Variants in PSME2 observed in about 807,000 individuals in gnomAD.
PSME2 encodes proteasome activator subunit 2, also known as proteasome activator complex subunit 2.
Under a neutral mutation model 38.8 loss-of-function variants are expected in PSME2, and 20 were observed. The observed-to-expected ratio is 0.52, with a 90% confidence interval of 0.36 to 0.75. PSME2 has a LOEUF of 0.75. Ranked by LOEUF, PSME2 falls within the 30% of genes least tolerant of loss-of-function variation. The pLI is 0.00. For missense variants in PSME2, 227 were observed against 287.6 expected (o/e 0.79, Z 1.52); for synonymous variants, 82 against 102.5 (o/e 0.80, Z 1.21).
chr14:24,144,581 T>TTAAAAAGTTATATTTA, intron 6 of PSME2, 113 bp from the exon 7 acceptor site: 1 of 959,528 alleles, frequency 1.0e-6, no homozygotes, highest in Non-Finnish European at 1.6e-6. Flanking sequence ...ACATACCAGG[T>TTAAAAAGTTATATTTA]ACTGTGCCAT....
intron 6 of PSME2, chr14:24,144,730 G>A (rs1053094794): frequency 1.6e-5 from 9 of 574,364 alleles, no homozygotes; most frequent in South Asian, 4.2e-5. Flanking sequence ...ATAGAATCAC[G>A]ATTTGAACCT....
rs1235473134 is a variant in PSME2, at chr14:24,146,003, G to A, written c.81+205C>T. On this transcript the variant is annotated intron_variant, in intron 2 of 10. Transcript: ENST00000216802. ...GTTTTTTTCCTCCACATCAAAAGACGGGAGAAGTGCCAGAAGTCGGGAGAG... is the reference window on the plus strand; with the variant it reads ...GTTTTTTTCCTCCACATCAAAAGACAGGAGAAGTGCCAGAAGTCGGGAGAG... The A allele has an allele frequency of 9.9e-6, 8 of 808,568 alleles. No homozygotes were observed. The Admixed American group carries it at 1.4e-4, about 15-fold the overall frequency. The allele number at this position is 808,568 out of a possible 1,614,324, so 50.1% of individuals were successfully genotyped here. A position where few individuals can be genotyped will look rare whatever the true frequency, so the allele number is the denominator to read the frequency against.
chr14:24,144,056 G>C, intron 8 of PSME2, 27 bp from the exon 9 acceptor site: 1 of 1,612,882 alleles, frequency 6.2e-7, no homozygotes, highest in Non-Finnish European at 8.5e-7. Context: ...AATACCACAG[G>C]AATGAGTGTT....
rs139337976 is a variant in PSME2, at chr14:24,145,626, TG to T, written c.144+83del. On this transcript the variant is annotated intron_variant, in intron 3 of 10. Coordinates refer to ENST00000216802, the MANE Select transcript of PSME2 (RefSeq NM_002818.3). ...CCACTATTTGAAACTATTCTCTGCA[TG>T]CTGAATCCAGTTGTTAGCTAGAGAG... The T allele has an allele frequency of 1.6e-4, 248 of 1,512,788 alleles. 1 individual carries two copies. In the African/African-American group the frequency reaches 3.2e-3, roughly 19 times the overall value. 93.7% of individuals were successfully genotyped at this position (1,512,788 alleles called of 1,614,324 possible).
intron 7 of PSME2, 43 bp from the exon 8 acceptor site, chr14:24,144,302 C>T (rs754906699): frequency 1.2e-6 from 2 of 1,611,988 alleles, no homozygotes; most frequent in Middle Eastern, 3.3e-4. Context: ...CATGTCCTCC[C>T]CATTTCATAC....
chr14:24,143,593 C>A lies in PSME2; in HGVS notation c.631G>T (p.Ala211Ser), dbSNP rs768116249. 21 of 1,614,014 alleles carry A rather than the reference C, an allele frequency of 1.3e-5. No individual in the cohort carries two copies. Among genetic ancestry groups the A allele is most frequent in the Non-Finnish European group, 1.5e-5 (18 of 1,180,018 alleles). The change falls in exon 10 of 11, where the codon GCC (alanine) becomes TCC (serine). Residue 211 changes from alanine to serine, a missense_variant. This residue lies in a region of PSME2 where 99 missense variants were observed against 113.9 expected (regional missense o/e 0.87). Coordinates refer to ENST00000216802, the MANE Select transcript of PSME2 (RefSeq NM_002818.3). The surrounding 1 kb of genome is among the most constrained non-coding windows in gnomAD (Gnocchi z 4.4). The part of the protein sequence containing the change: ...ELRAMVLDLR[A>S]FYAELYHIIS... ...CCTTACTCCACACTCACATAGAAGGCCCTCAGGTCCAGCACCATGGCCCTG... is the reference window on the plus strand; with the variant it reads ...CCTTACTCCACACTCACATAGAAGGACCTCAGGTCCAGCACCATGGCCCTG...
intron 8 of PSME2, 57 bp downstream of exon 8, chr14:24,144,135 G>T (rs377620375): frequency 4.4e-4 from 704 of 1,612,280 alleles, no homozygotes; most frequent in Non-Finnish European, 5.1e-4. Flanking sequence ...CCCAGCTCTG[G>T]GGGTCCCAAA....
At chr14:24,145,665 G>A (rs2038141218) in intron 3 of PSME2, 45 bp downstream of exon 3, 1 of 1,578,568 alleles carries the variant, frequency 6.3e-7, no homozygotes, top group Non-Finnish European at 8.7e-7. Flanking sequence ...TGGGCAAAGG[G>A]GATAGAGGAC....
Position 24,143,812 on chromosome 14 carries a change from GA to G in PSME2, c.553-142del. ...ATAGGATCCCAAAGGACTGAGCAGA[GA>G]AAAGGGTCAAGGTTGTTGAAGCCCA... On this transcript the variant is annotated intron_variant, in intron 9 of 10. Transcript: ENST00000216802. This position sits in a 1 kb window ranked among gnomAD's most constrained non-coding sequence, Gnocchi z 4.4. 1 of 1,274,530 alleles carries G rather than the reference GA, an allele frequency of 7.8e-7. No homozygotes were observed. Among genetic ancestry groups the G allele is most frequent in the Non-Finnish European group, 1.1e-6 (1 of 891,512 alleles). The allele number at this position is 1,274,530 out of a possible 1,614,324, so 79.0% of individuals were successfully genotyped here.
At position 24,145,167 on chromosome 14, in the gene PSME2, A is replaced by G; in HGVS notation, c.263-12T>C. On this transcript the variant is annotated splice_polypyrimidine_tract_variant and intron_variant, in intron 5 of 10. Transcript: ENST00000216802. ...TCCACACTTATGGACTGTGAGAAAGAGGGGATTCAGGCCCTTTCTCATCCA... is the reference window on the plus strand; with the variant it reads ...TCCACACTTATGGACTGTGAGAAAGGGGGGATTCAGGCCCTTTCTCATCCA... The G allele has an allele frequency of 6.2e-7, 1 of 1,611,468 alleles. No individual in the cohort carries two copies. The highest frequency in any genetic ancestry group is 8.5e-7 in the Non-Finnish European group (1 of 1,177,638).
At chr14:24,145,879 A>G in intron 2 of PSME2, 107 bp from the exon 3 acceptor site, 1 of 1,246,380 alleles carries the variant, frequency 8.0e-7, no homozygotes, top group Non-Finnish European at 1.2e-6. Flanking sequence ...AAGACTTGCA[A>G]ATGAGGAAAC....
rs1594368446 is a variant in PSME2, at chr14:24,143,730, T to A, written c.553-59A>T. 3.9e-6 allele frequency: 6 copies of A among 1,550,938 alleles called. No individual in the cohort carries two copies. The South Asian group carries it at 6.7e-5, about 17-fold the overall frequency. ...ATGGGAGGCTGGGACATGAGTCTGGTTTCCTTTTATAGGAAATAGGTTAAC... is the reference window on the plus strand; with the variant it reads ...ATGGGAGGCTGGGACATGAGTCTGGATTCCTTTTATAGGAAATAGGTTAAC... On this transcript the variant is annotated intron_variant, in intron 9 of 10. Coordinates refer to ENST00000216802, the MANE Select transcript of PSME2 (RefSeq NM_002818.3). This position sits in a 1 kb window ranked among gnomAD's most constrained non-coding sequence, Gnocchi z 4.4.
At chr14:24,144,585 G>T in intron 6 of PSME2, 117 bp from the exon 7 acceptor site, 1 of 937,984 alleles carries the variant, frequency 1.1e-6, no homozygotes, top group Non-Finnish European at 1.7e-6. Context: ...ACCAGGTACT[G>T]TGCCATGTAT....
At chr14:24,146,299 C>A in intron 1 of PSME2, 59 bp from the exon 2 acceptor site, 1 of 1,594,302 alleles carries the variant, frequency 6.3e-7, no homozygotes, top group Non-Finnish European at 8.6e-7. Context: ...AAAGCTTCCA[C>A]CCACAACAGG....
intron 6 of PSME2, 62 bp from the exon 7 acceptor site, chr14:24,144,530 G>T (rs1315369083): frequency 6.7e-7 from 1 of 1,496,080 alleles, no homozygotes; most frequent in African/African-American, 1.4e-5. Context: ...TCCTATTACT[G>T]TCACTTCCTA....
rs1245143957 is a variant in PSME2 at position 24,144,478 on chromosome 14, G to A, written c.361-10C>T. 1.2e-6 allele frequency: 2 copies of A among 1,603,158 alleles called. No individual in the cohort carries two copies. Among genetic ancestry groups the A allele is most frequent in the South Asian group, 1.1e-5 (1 of 90,856 alleles). ...GGATCCATGTAATCACCTGTGTTAAGAGGTATCATGTAAGAATCATTCAAC... is the reference window on the plus strand; with the variant it reads ...GGATCCATGTAATCACCTGTGTTAAAAGGTATCATGTAAGAATCATTCAAC... On this transcript the variant is annotated splice_polypyrimidine_tract_variant and intron_variant, in intron 6 of 10. Transcript: ENST00000216802.
intron 6 of PSME2, 123 bp from the exon 7 acceptor site, chr14:24,144,591 T>C: frequency 1.1e-6 from 1 of 896,248 alleles, no homozygotes; most frequent in Admixed American, 2.1e-5. Context: ...TACTGTGCCA[T>C]GTATTTATTT....
At chr14:24,144,700 G>C (rs1365796277) in intron 6 of PSME2, 2 of 588,740 alleles carry the variant, frequency 3.4e-6, no homozygotes, top group Non-Finnish European at 6.0e-6. Flanking sequence ...ACTTACTTAA[G>C]GCTACCAGCT....
In PSME2 at chr14:24,144,382, C is replaced by T; in HGVS notation, c.429+18G>A. The T allele has an allele frequency of 6.2e-7, 1 of 1,610,684 alleles. No individual in the cohort carries two copies. The highest frequency in any genetic ancestry group is 8.5e-7 in the Non-Finnish European group (1 of 1,176,862). ...AGGCTCTCCCCACTCTAAGTATCTT[C>T]AGTTACCCTTTTCTTACCTGGATTG... On this transcript the variant is annotated intron_variant, in intron 7 of 10. Coordinates refer to ENST00000216802, the MANE Select transcript of PSME2 (RefSeq NM_002818.3).
Sources: allele counts gnomAD v4.1 joint callset, GRCh38; gene constraint gnomAD v4.1.1; regional missense constraint gnomAD v4.1.1; non-coding constraint Gnocchi (gnomAD v3.1); transcripts MANE v1.5; gene names NCBI Gene and HGNC (gene_info 2026-07-23, HGNC 2026-07-21).